The following LINGO2 variants were observed in gnomAD, a reference collection of about 807,000 sequenced individuals.
The protein encoded by LINGO2 is leucine-rich repeat and immunoglobulin-like domain-containing nogo receptor-interacting protein 2.
Under a neutral mutation model 30.6 loss-of-function variants are expected in LINGO2, and 14 were observed. That is an observed-to-expected ratio of 0.46 (90% confidence interval 0.30 to 0.72). The LOEUF is 0.72. Ranked by LOEUF, LINGO2 falls within the 30% of genes least tolerant of loss-of-function variation. The pLI is 0.07. For missense variants in LINGO2, 729 were observed against 751.7 expected (o/e 0.97, Z 0.35); for synonymous variants, 317 against 288.5 (o/e 1.10, Z -1.00).
chr9:28,105,550 T>G (rs1826561635), intron 4 of LINGO2, among the ~76,000 whole-genome samples: 2 of 152,090 alleles, frequency 1.3e-5, no homozygotes, highest in African/African-American at 4.8e-5. Flanking sequence ...TAAAATGAAG[T>G]GCTATGGACT....
intron 4 of LINGO2, among the ~76,000 whole-genome samples, chr9:28,034,105 T>G (rs1378513885): frequency 1.3e-5 from 2 of 152,192 alleles, no homozygotes; most frequent in Admixed American, 1.3e-4. Context: ...TTAGCTTCAT[T>G]TCCCATTTTC....
At chr9:28,244,722 G>C (rs1278862225) in intron 4 of LINGO2, among the ~76,000 whole-genome samples, 2 of 151,594 alleles carry the variant, frequency 1.3e-5, no homozygotes, top group East Asian at 1.9e-4. Context: ...TGAATTCCTG[G>C]ACACATACAC....
the LINGO2 span, among the ~76,000 whole-genome samples, chr9:29,095,007 C>G: frequency 5.1e-5 from 7 of 138,062 alleles, 1 homozygote; most frequent in Non-Finnish European, 9.4e-5. Flanking sequence ...ATTCAAGAGT[C>G]TATGCTTACA....
chr9:28,052,535 A>T (rs1163347995), intron 4 of LINGO2, among the ~76,000 whole-genome samples: 1 of 152,066 alleles, frequency 6.6e-6, no homozygotes, highest in African/African-American at 2.4e-5. Context: ...GCCAGAGATG[A>T]CACTGCACAG....
chr9:28,784,840 T>C, the LINGO2 span, among the ~76,000 whole-genome samples: 1 of 150,670 alleles, frequency 6.6e-6, no homozygotes, highest in Non-Finnish European at 1.5e-5. Context: ...TAATCCTAAC[T>C]GGGAGGCTGA....
the LINGO2 span, among the ~76,000 whole-genome samples, chr9:28,731,221 T>G: frequency 1.3e-5 from 2 of 151,988 alleles, no homozygotes; most frequent in Non-Finnish European, 2.9e-5. Context: ...ACTCCCAACC[T>G]CAGGCGATCC....
In LINGO2 at chr9:27,979,539, T is replaced by A. The variant is rs184120801; in HGVS notation, c.-35-28833A>T. Among the ~76,000 whole-genome samples, 60 of 152,064 alleles carry A rather than the reference T, an allele frequency of 3.9e-4. 1 individual carries two copies. The highest frequency in any genetic ancestry group is 1.1e-3 in the Admixed American group (17 of 15,252). The stretch of plus-strand genomic sequence containing the variant: ...ATATATACACATTTTAATAAAATAG[T>A]TTTTACATTATCTTGCAAATTATAT... On this transcript the variant is annotated intron_variant, in intron 5 of 5. Transcript: ENST00000379992.
intron 4 of LINGO2, among the ~76,000 whole-genome samples, chr9:28,199,727 C>T (rs568882731): frequency 5.8e-4 from 88 of 152,194 alleles, no homozygotes; most frequent in Non-Finnish European, 1.0e-3. Flanking sequence ...GCTGAATTAA[C>T]ATTTTTTCAC....
the LINGO2 span, among the ~76,000 whole-genome samples, chr9:29,102,397 A>G: frequency 6.6e-6 from 1 of 152,118 alleles, no homozygotes; most frequent in African/African-American, 2.4e-5. Flanking sequence ...CAGCTTTTTA[A>G]AAAAATAAAA....
chr9:29,144,925 C>CT, the LINGO2 span, among the ~76,000 whole-genome samples: 48 of 151,866 alleles, frequency 3.2e-4, no homozygotes, highest in Non-Finnish European at 6.2e-4. Flanking sequence ...GTTTTTATTG[C>CT]TTTTTTTCAT....
intron 4 of LINGO2, among the ~76,000 whole-genome samples, chr9:28,160,273 G>C (rs2133594836): frequency 6.6e-6 from 1 of 152,272 alleles, no homozygotes; most frequent in African/African-American, 2.4e-5. Flanking sequence ...GTGATATCTT[G>C]AGAAAGAGCC....
chr9:27,973,988 A>C (rs1047465459), intron 5 of LINGO2, among the ~76,000 whole-genome samples: 7 of 152,154 alleles, frequency 4.6e-5, no homozygotes, highest in African/African-American at 1.7e-4. Flanking sequence ...TCTACTCAAG[A>C]GTACAAATGG....
chr9:28,030,628 G>T (rs1007739310), intron 4 of LINGO2, among the ~76,000 whole-genome samples: 2 of 152,204 alleles, frequency 1.3e-5, no homozygotes, highest in African/African-American at 2.4e-5. Context: ...CCAGGACCTG[G>T]TATCACAGCA....
At chr9:29,114,054 G>GT in the LINGO2 span, among the ~76,000 whole-genome samples, 1 of 151,814 alleles carries the variant, frequency 6.6e-6, no homozygotes. Flanking sequence ...TTTGGGGAGA[G>GT]TTTCTAGGGG....
chr9:28,871,750 G>A, the LINGO2 span, among the ~76,000 whole-genome samples: 2 of 151,702 alleles, frequency 1.3e-5, no homozygotes, highest in Non-Finnish European at 2.9e-5. Context: ...AATGAGAGAC[G>A]TTGGTTCAAA....
At chr9:28,302,257 A>C (rs1243665355) in intron 3 of LINGO2, among the ~76,000 whole-genome samples, 1 of 152,222 alleles carries the variant, frequency 6.6e-6, no homozygotes, top group Admixed American at 6.5e-5. Flanking sequence ...TGGTCTCACC[A>C]GGACTTACAT....
At chr9:28,523,043 G>A (rs1184258972) in intron 1 of LINGO2, among the ~76,000 whole-genome samples, 1 of 151,488 alleles carries the variant, frequency 6.6e-6, no homozygotes, top group Non-Finnish European at 1.5e-5. Flanking sequence ...AAGAGATTAG[G>A]CGAAGAAAAT....
chr9:28,648,746 C>T (rs141733937), intron 1 of LINGO2, among the ~76,000 whole-genome samples: 4 of 152,194 alleles, frequency 2.6e-5, no homozygotes, highest in Non-Finnish European at 4.4e-5. Flanking sequence ...TCATTCCTCA[C>T]TTGAAAAAAA....
chr9:28,458,437 C>T (rs572679039), intron 2 of LINGO2, among the ~76,000 whole-genome samples: 1 of 152,266 alleles, frequency 6.6e-6, no homozygotes, highest in South Asian at 2.1e-4. Flanking sequence ...TCCACCTCTG[C>T]TCACTTCTGC....
Sources: gnomAD v4.1 joint callset for allele counts (sites outside exome capture counted in the v4.1 genomes callset) on GRCh38, gnomAD v4.1.1 for gene constraint, MANE v1.5 for transcripts, NCBI Gene and HGNC (gene_info 2026-07-23, HGNC 2026-07-21) for gene names.